CADM1: variants seen among roughly 807,000 people sequenced by gnomAD.
CADM1 encodes TSLC-1.
In CADM1, 15 loss-of-function variants were observed where a neutral mutation model predicts 53.1. That is an observed-to-expected ratio of 0.28 (90% CI 0.19 to 0.44). CADM1 has a LOEUF of 0.44. Among genes scored for constraint, CADM1 ranks in the 20% least tolerant of loss-of-function variants. CADM1 has a pLI of 1.00. For synonymous variants in CADM1, 281 were observed against 243.0 expected (o/e 1.16, Z -1.45); for missense variants, 434 against 611.3 (o/e 0.71, Z 3.06).
chr11:115,487,003 C>G (rs7925128), intron 1 of CADM1, among the ~76,000 whole-genome samples: 1 of 152,040 alleles, frequency 6.6e-6, no homozygotes, highest in Non-Finnish European at 1.5e-5. Flanking sequence ...AAGGAGAATA[C>G]GAAGAGAGGA....
At chr11:115,405,796 A>G (rs1947297848) in intron 1 of CADM1, among the ~76,000 whole-genome samples, 1 of 152,204 alleles carries the variant, frequency 6.6e-6, no homozygotes, top group African/African-American at 2.4e-5. Flanking sequence ...CACCCTACAG[A>G]CAAACATGTT....
intron 1 of CADM1, among the ~76,000 whole-genome samples, chr11:115,300,098 C>A (rs1944180042): frequency 6.6e-6 from 1 of 151,944 alleles, no homozygotes; most frequent in Admixed American, 6.6e-5. Context: ...GTTGATCCAG[C>A]CTAAATTAGG....
intron 1 of CADM1, among the ~76,000 whole-genome samples, chr11:115,403,489 G>A (rs572502752): frequency 1.3e-5 from 2 of 152,340 alleles, no homozygotes; most frequent in South Asian, 2.1e-4. Flanking sequence ...GGTTATGTAA[G>A]ATGTTAACAT....
chr11:115,504,307 G>A lies in CADM1; in HGVS notation c.88C>T (p.Leu30=). ...AGTGCCGCGGCGGAGAAGAGCAACA[G>A]CAGAAGCCGGAGCCGGAGCCCGGGA... is the stretch of plus-strand genomic sequence containing the variant. ...APPGLRLRLL[L]LLFSAAALIP... Residue 30 remains leucine, a synonymous_variant, in exon 1 of 12, where the codon CTG becomes TTG. Transcript: ENST00000331581. 6.4e-7 allele frequency: 1 copy of A among 1,562,460 alleles called. No individual in the cohort carries two copies. Among genetic ancestry groups the A allele is most frequent in the Non-Finnish European group, 8.7e-7 (1 of 1,154,198 alleles).
intron 1 of CADM1, among the ~76,000 whole-genome samples, chr11:115,335,066 T>C (rs936630108): frequency 2.6e-5 from 4 of 152,154 alleles, no homozygotes; most frequent in Admixed American, 1.3e-4. Flanking sequence ...TTTTCAAAAA[T>C]ACTTGCATTT....
At chr11:115,211,047 A>T (rs1044904303) in intron 7 of CADM1, among the ~76,000 whole-genome samples, 12 of 152,192 alleles carry the variant, frequency 7.9e-5, no homozygotes, top group African/African-American at 2.6e-4. Flanking sequence ...CGTTTAAAAA[A>T]AATCTCATTC....
At chr11:115,483,131 T>C (rs1949294189) in intron 1 of CADM1, among the ~76,000 whole-genome samples, 1 of 152,184 alleles carries the variant, frequency 6.6e-6, no homozygotes, top group African/African-American at 2.4e-5. Context: ...CAGCTGTCAG[T>C]TATGGATTTG....
In CADM1 at chr11:115,173,881, T is replaced by C. The variant is rs1938892363; in HGVS notation, c.*2593A>G. 5.2e-6 allele frequency: 5 copies of C among 969,502 alleles called. No homozygotes were observed. The highest frequency in any genetic ancestry group is 6.1e-6 in the Non-Finnish European group (5 of 815,558). The allele number at this position is 969,502 out of a possible 1,614,324, so 60.1% of individuals were successfully genotyped here. ...GGCATCAATTATACATCCTTCATTATTTTATATTCCTTTAAAAAACACAAA... is the reference window on the plus strand; with the variant it reads ...GGCATCAATTATACATCCTTCATTACTTTATATTCCTTTAAAAAACACAAA... On this transcript the variant is annotated 3_prime_UTR_variant, in exon 12 of 12. Coordinates refer to ENST00000331581, the MANE Select transcript of CADM1 (RefSeq NM_001301043.2).
intron 5 of CADM1, among the ~76,000 whole-genome samples, chr11:115,220,871 C>T (rs982832563): frequency 6.6e-6 from 1 of 152,168 alleles, no homozygotes; most frequent in South Asian, 2.1e-4. Context: ...CATTGAAGAG[C>T]CTAACTACGA....
chr11:115,340,854 G>C (rs953930749), intron 1 of CADM1, among the ~76,000 whole-genome samples: 4 of 150,334 alleles, frequency 2.7e-5, no homozygotes, highest in Non-Finnish European at 4.4e-5. Context: ...AGAGACGGGG[G>C]TTTCTCAATG....
chr11:115,176,855 CAGA>C (rs755104834), intron 11 of CADM1, among the ~76,000 whole-genome samples: 36 of 152,298 alleles, frequency 2.4e-4, no homozygotes, highest in South Asian at 4.1e-4. Flanking sequence ...AGGATGTCAG[CAGA>C]AGAAGACGTG....
rs1945834393 is a variant in CADM1 at position 115,355,230 on chromosome 11, T to C, written c.125-114810A>G. Among the ~76,000 whole-genome samples the C allele has an allele frequency of 2.0e-5, 3 of 152,174 alleles. No individual in the cohort carries two copies. The South Asian group carries it at 6.2e-4, about 32-fold the overall frequency. On this transcript the variant is annotated intron_variant, in intron 1 of 11. Coordinates refer to ENST00000331581, the MANE Select transcript of CADM1 (RefSeq NM_001301043.2). ...AACCTAAATACCCATTAATGGCTGA[T>C]TGGATAAAGAAAATGTGGTATATAT...
At chr11:115,306,815 A>C (rs533942149) in intron 1 of CADM1, among the ~76,000 whole-genome samples, 8 of 152,154 alleles carry the variant, frequency 5.3e-5, no homozygotes, top group African/African-American at 1.4e-4. Flanking sequence ...ATTCACAGAC[A>C]TGTCAATGTC....
chr11:115,169,777 G>A lies in CADM1; in HGVS notation c.*6697C>T, dbSNP rs889492221. 3 of 327,108 alleles carry A rather than the reference G, an allele frequency of 9.2e-6. No homozygotes were observed. Among genetic ancestry groups the A allele is most frequent in the Admixed American group, 3.9e-5 (1 of 25,894 alleles). 20.3% of individuals were successfully genotyped at this position (327,108 alleles called of 1,614,324 possible). A position where few individuals can be genotyped will look rare whatever the true frequency, so the allele number is the denominator to read the frequency against. ...CTGGGCAAACAGCTTTTGTGGATTA[G>A]CTAGACTTGCACTTGCCAGCATCCA... On this transcript the variant is annotated 3_prime_UTR_variant, in exon 12 of 12. Coordinates refer to ENST00000331581, the MANE Select transcript of CADM1 (RefSeq NM_001301043.2).
At chr11:115,499,996 C>T (rs1949697592) in intron 1 of CADM1, among the ~76,000 whole-genome samples, 1 of 152,154 alleles carries the variant, frequency 6.6e-6, no homozygotes, top group African/African-American at 2.4e-5. Context: ...CACAAACACA[C>T]ACACACTGAT....
At chr11:115,318,408 C>T (rs545960391) in intron 1 of CADM1, among the ~76,000 whole-genome samples, 1 of 152,250 alleles carries the variant, frequency 6.6e-6, no homozygotes, top group South Asian at 2.1e-4. Context: ...CCTCAAGTTT[C>T]AACTTGAAAA....
chr11:115,226,451 G>A (rs951917797), intron 5 of CADM1, among the ~76,000 whole-genome samples: 1 of 152,006 alleles, frequency 6.6e-6, no homozygotes, highest in African/African-American at 2.4e-5. Context: ...TTTTTAAAGG[G>A]GCCAATGATC....
intron 5 of CADM1, among the ~76,000 whole-genome samples, chr11:115,222,599 A>G (rs1941446865): frequency 7.0e-6 from 1 of 143,550 alleles, no homozygotes; most frequent in African/African-American, 2.4e-5. Context: ...TGTTGTTATG[A>G]CTCATAGTAC....
chr11:115,289,883 C>T (rs556495402), intron 1 of CADM1, among the ~76,000 whole-genome samples: 100 of 152,240 alleles, frequency 6.6e-4, no homozygotes, highest in African/African-American at 2.1e-3. Context: ...GCGTGAACCA[C>T]CGCGCCCGGC....
Sources: gnomAD v4.1 joint callset for allele counts (sites outside exome capture counted in the v4.1 genomes callset) on GRCh38, gnomAD v4.1.1 for gene constraint, MANE v1.5 for transcripts, NCBI Gene and HGNC (gene_info 2026-07-23, HGNC 2026-07-21) for gene names.